Variants in DYSF observed in about 807,000 individuals in gnomAD.
DYSF encodes the protein dysferlin, also known as dystrophy-associated fer-1-like 1.
A neutral mutation model predicts 274.9 loss-of-function variants in DYSF; 212 were observed. That is an observed-to-expected ratio of 0.77 (90% CI 0.69 to 0.86). DYSF has a LOEUF of 0.86. DYSF is among the 40% of genes least tolerant of loss of function. The pLI is 0.00. For missense variants in DYSF, 2,666 were observed against 2,783.2 expected, an observed-to-expected ratio of 0.96 and a Z score of 0.95; for synonymous variants, 1,091 against 1,078.7, an observed-to-expected ratio of 1.01 and a Z score of -0.22.
rs752228768 is a variant in DYSF, at chr2:71,669,740, CAAG to C, written c.5782_5784del (p.Lys1928del). ...CAGCTGAGCAAGTCTGTACCATTGCCAAGAAGGTCAGTGTCCTTCCGATTCCCT... is the reference window on the plus strand; with the variant it reads ...CAGCTGAGCAAGTCTGTACCATTGCCAAGGTCAGTGTCCTTCCGATTCCCT... On this transcript the variant is annotated inframe_deletion, in exon 51 of 56. Transcript: ENST00000410020. The C allele has an allele frequency of 1.2e-6, 2 of 1,614,186 alleles. No individual in the cohort carries two copies. Among genetic ancestry groups the C allele is most frequent in the Non-Finnish European group, 8.5e-7 (1 of 1,180,032 alleles).
intron 29 of DYSF, among the ~76,000 whole-genome samples, 167 bp from the exon 30 acceptor site, chr2:71,574,031 A>ATTC (rs1259658141): frequency 6.6e-6 from 1 of 152,110 alleles, no homozygotes; most frequent in Non-Finnish European, 1.5e-5. Flanking sequence ...GGCTGCAGAA[A>ATTC]GCCCCTCTCC....
At chr2:71,493,241 T>C (rs1346889525) in intron 3 of DYSF, among the ~76,000 whole-genome samples, 1 of 152,154 alleles carries the variant, frequency 6.6e-6, no homozygotes, top group Non-Finnish European at 1.5e-5. Context: ...TGTTAATGGA[T>C]GAAATAATGT....
chr2:71,600,266 T>G (rs895278249), intron 33 of DYSF, among the ~76,000 whole-genome samples: 1 of 152,162 alleles, frequency 6.6e-6, no homozygotes, highest in Non-Finnish European at 1.5e-5. Flanking sequence ...GTGATCACAG[T>G]TTCCCCATTT....
At chr2:71,602,412 C>A (rs1203649574) in intron 35 of DYSF, among the ~76,000 whole-genome samples, 5 of 152,156 alleles carry the variant, frequency 3.3e-5, no homozygotes, top group African/African-American at 1.2e-4. Context: ...TAGGTTGGTT[C>A]TCCTCAGCTT....
intron 42 of DYSF, among the ~76,000 whole-genome samples, chr2:71,645,473 CT>C (rs1335858580): frequency 1.3e-5 from 2 of 151,802 alleles, no homozygotes; most frequent in African/African-American, 2.4e-5. Flanking sequence ...CATCCCGCCG[CT>C]TGTGTGTTCC....
intron 12 of DYSF, 74 bp from the exon 13 acceptor site, chr2:71,526,146 G>A: frequency 6.2e-7 from 1 of 1,613,100 alleles, no homozygotes; most frequent in Non-Finnish European, 8.5e-7. Flanking sequence ...GGCGAAGCTG[G>A]AACTCTTAGA....
At chr2:71,682,728 G>T in intron 55 of DYSF, 51 bp downstream of exon 55, 1 of 1,584,176 alleles carries the variant, frequency 6.3e-7, no homozygotes, top group Non-Finnish European at 8.6e-7. Flanking sequence ...TCTAATGGGG[G>T]AGTTCATCAT....
At chr2:71,649,231 G>GTAAA (rs2094615775) in intron 42 of DYSF, among the ~76,000 whole-genome samples, 1 of 151,120 alleles carries the variant, frequency 6.6e-6, no homozygotes, top group African/African-American at 2.4e-5. Context: ...AGGTAAGAAT[G>GTAAA]TAAATATCAT....
intron 30 of DYSF, among the ~76,000 whole-genome samples, chr2:71,584,653 A>G: frequency 6.6e-6 from 1 of 152,128 alleles, no homozygotes; most frequent in East Asian, 1.9e-4. Flanking sequence ...TCTTCATTGG[A>G]CGCCCACTAC....
chr2:71,656,119 C>A, intron 42 of DYSF, 43 bp from the exon 43 acceptor site: 2 of 1,613,218 alleles, frequency 1.2e-6, no homozygotes, highest in African/African-American at 2.7e-5. Flanking sequence ...GTTCTACTTT[C>A]TTTCTGTCTC....
chr2:71,664,674 C>T (rs920865597), intron 46 of DYSF, among the ~76,000 whole-genome samples: 2 of 152,168 alleles, frequency 1.3e-5, no homozygotes, highest in Non-Finnish European at 2.9e-5. Flanking sequence ...AAGAACCTGG[C>T]TCATCACATT....
chr2:71,669,789 T>G, intron 51 of DYSF, 43 bp downstream of exon 51: 1 of 1,613,964 alleles, frequency 6.2e-7, no homozygotes, highest in Non-Finnish European at 8.5e-7. Context: ...CACCAGGGCT[T>G]CTAAAGTTAG....
chr2:71,665,438 G>C (rs2094980564), intron 47 of DYSF, 134 bp downstream of exon 47: 2 of 1,099,432 alleles, frequency 1.8e-6, no homozygotes, highest in Non-Finnish European at 2.7e-6. Context: ...CTCCAGGGCA[G>C]CACAGATGGG....
At chr2:71,568,581 A>T (rs1256320876) in intron 26 of DYSF, among the ~76,000 whole-genome samples, 7 of 138,702 alleles carry the variant, frequency 5.0e-5, no homozygotes, top group Non-Finnish European at 7.9e-5. Flanking sequence ...TTTTTTTTTG[A>T]GACAGAGTCT....
intron 51 of DYSF, among the ~76,000 whole-genome samples, chr2:71,672,398 G>A (rs1283284396): frequency 1.3e-5 from 2 of 152,196 alleles, no homozygotes; most frequent in Non-Finnish European, 2.9e-5. Context: ...TCTGCCGTGG[G>A]GTTCAGGGCC....
chr2:71,602,542 C>A, intron 35 of DYSF: 1 of 506,836 alleles, frequency 2.0e-6, no homozygotes, highest in East Asian at 3.5e-5. Context: ...CGTCCCTCTG[C>A]ACTGACATCC....
chr2:71,458,923 G>T (rs1189024711), intron 1 of DYSF, among the ~76,000 whole-genome samples: 1 of 152,178 alleles, frequency 6.6e-6, no homozygotes, highest in Non-Finnish European at 1.5e-5. Flanking sequence ...AGAAGCCCAG[G>T]ACTGTCTGAT....
At chr2:71,516,340 A>G in intron 9 of DYSF, 98 bp downstream of exon 9, 1 of 1,239,002 alleles carries the variant, frequency 8.1e-7, no homozygotes, top group Admixed American at 1.8e-5. Context: ...GTGCATGTGC[A>G]CGTCAGTGTG....
chr2:71,562,836 A>C (rs547228285), intron 23 of DYSF, among the ~76,000 whole-genome samples: 1 of 151,824 alleles, frequency 6.6e-6, no homozygotes, highest in Non-Finnish European at 1.5e-5. Flanking sequence ...CTGTGGACCA[A>C]CTCCTCACAG....
Sources: allele counts gnomAD v4.1 joint callset (sites outside exome capture counted in the v4.1 genomes callset), GRCh38; gene constraint gnomAD v4.1.1; transcripts MANE v1.5; gene names NCBI Gene and HGNC (gene_info 2026-07-23, HGNC 2026-07-21).